C1QTNF7: variants seen among roughly 807,000 people sequenced by gnomAD.
C1QTNF7 encodes complement C1q tumor necrosis factor-related protein 7.
A neutral mutation model predicts 19.6 loss-of-function variants in C1QTNF7; 15 were observed. That is an observed-to-expected ratio of 0.76 (90% CI 0.51 to 1.18). C1QTNF7 has a LOEUF of 1.18. Ranked by LOEUF, C1QTNF7 falls within the 50% of genes most tolerant of loss-of-function variation. The pLI is 0.00. For missense variants in C1QTNF7, 324 were observed against 359.7 expected (o/e 0.90, Z 0.80); for synonymous variants, 142 against 137.5 (o/e 1.03, Z -0.23).
At position 15,359,250 on chromosome 4, in the gene C1QTNF7, A is replaced by G. The variant is rs954346209; in HGVS notation, c.13+19043A>G. ...CCCAAGGGAGTTACATGAAATAGCA[A>G]ATAGAAAACACTATGACAAGTCATG... On this transcript the variant is annotated intron_variant, in intron 1 of 2. Transcript: ENST00000295297. Among the ~76,000 whole-genome samples the G allele has an allele frequency of 1.1e-4, 16 of 152,160 alleles. 1 individual carries two copies. Among genetic ancestry groups the G allele is most frequent in the Admixed American group, 9.2e-4 (14 of 15,262 alleles).
At chr4:15,378,909 A>G (rs947941483) in intron 1 of C1QTNF7, among the ~76,000 whole-genome samples, 2 of 152,240 alleles carry the variant, frequency 1.3e-5, no homozygotes, top group African/African-American at 4.8e-5. Flanking sequence ...AACTTGCACC[A>G]GAGAAGTAAA....
At chr4:15,405,508 G>A (rs1719157705) in intron 1 of C1QTNF7, among the ~76,000 whole-genome samples, 2 of 152,190 alleles carry the variant, frequency 1.3e-5, no homozygotes, top group East Asian at 1.9e-4. Flanking sequence ...GGTAGCAGAG[G>A]CAGAGGTGGA....
At chr4:15,442,103 A>G (rs888254054) in intron 2 of C1QTNF7, 65 bp from the exon 3 acceptor site, 3 of 1,498,956 alleles carry the variant, frequency 2.0e-6, no homozygotes, top group Admixed American at 4.4e-5. Flanking sequence ...GGGACCATGT[A>G]GGTATATTGT....
chr4:15,443,077 A>G lies in C1QTNF7; in HGVS notation c.*278A>G. The G allele has an allele frequency of 4.1e-6, 1 of 245,382 alleles. No individual in the cohort carries two copies. Among genetic ancestry groups the G allele is most frequent in the Non-Finnish European group, 7.8e-6 (1 of 128,438 alleles). The allele number at this position is 245,382 out of a possible 1,614,324, so 15.2% of individuals were successfully genotyped here. On this transcript the variant is annotated 3_prime_UTR_variant, in exon 3 of 3. Coordinates refer to ENST00000444304, the MANE Select transcript of C1QTNF7 (RefSeq NM_031911.5). ...ACAATGTTAACAAATTTTCTATTAA[A>G]TGCCCTGAGTGATAAAACCAGTTGG...
At chr4:15,372,759 C>T (rs545067492) in intron 1 of C1QTNF7, among the ~76,000 whole-genome samples, 1 of 152,264 alleles carries the variant, frequency 6.6e-6, no homozygotes, top group East Asian at 1.9e-4. Context: ...GGATGCCTTT[C>T]TGTGTGACTG....
intron 2 of C1QTNF7, among the ~76,000 whole-genome samples, chr4:15,438,330 G>A (rs1415518761): frequency 6.6e-6 from 1 of 152,144 alleles, no homozygotes; most frequent in African/African-American, 2.4e-5. Flanking sequence ...ATAAACTAGA[G>A]GAACAGCCTG....
At chr4:15,380,291 C>G (rs1718088893) in intron 1 of C1QTNF7, among the ~76,000 whole-genome samples, 1 of 152,174 alleles carries the variant, frequency 6.6e-6, no homozygotes. Flanking sequence ...GTTTATTTTT[C>G]TCACACAACA....
intron 1 of C1QTNF7, among the ~76,000 whole-genome samples, chr4:15,378,875 CA>C (rs1423450577): frequency 6.6e-6 from 1 of 152,166 alleles, no homozygotes; most frequent in Non-Finnish European, 1.5e-5. Context: ...GTGGCCTACT[CA>C]AAATGAAGAT....
chr4:15,413,028 C>A (rs534498625), intron 1 of C1QTNF7, among the ~76,000 whole-genome samples: 2 of 152,358 alleles, frequency 1.3e-5, no homozygotes, highest in Non-Finnish European at 2.9e-5. Context: ...TTATAGAATT[C>A]TCTTGGGAGT....
chr4:15,371,109 G>A (rs899434490), intron 1 of C1QTNF7, among the ~76,000 whole-genome samples: 1 of 152,232 alleles, frequency 6.6e-6, no homozygotes, highest in Non-Finnish European at 1.5e-5. Context: ...GTTGGGGTAT[G>A]AACAGGCAGC....
intron 1 of C1QTNF7, among the ~76,000 whole-genome samples, chr4:15,371,640 G>T (rs1018357736): frequency 3.9e-5 from 6 of 152,178 alleles, no homozygotes; most frequent in African/African-American, 1.4e-4. Context: ...TTATAAAGGG[G>T]AAGTGTAGGA....
intron 1 of C1QTNF7, among the ~76,000 whole-genome samples, chr4:15,349,081 T>C (rs1448316585): frequency 1.3e-5 from 2 of 152,196 alleles, no homozygotes; most frequent in Non-Finnish European, 2.9e-5. Flanking sequence ...CATAAAAGAA[T>C]ATGTAATCTC....
At position 15,443,020 on chromosome 4, in the gene C1QTNF7, G is replaced by A; in HGVS notation, c.*221G>A. 1 of 392,600 alleles carries A rather than the reference G, an allele frequency of 2.5e-6. No homozygotes were observed. The highest frequency in any genetic ancestry group is 4.4e-6 in the Non-Finnish European group (1 of 225,938). The allele number at this position is 392,600 out of a possible 1,614,324, so 24.3% of individuals were successfully genotyped here. On this transcript the variant is annotated 3_prime_UTR_variant, in exon 3 of 3. Transcript: ENST00000444304. ...GCCCCAGATATAAATTCTCTTGAAA[G>A]CAATGTTCATAAATATTTAAGCAAA...
intron 1 of C1QTNF7, among the ~76,000 whole-genome samples, chr4:15,350,166 GGAGC>G (rs1716866218): frequency 2.6e-5 from 3 of 113,564 alleles, no homozygotes; most frequent in Non-Finnish European, 3.7e-5. Flanking sequence ...AGGGAGGGAG[GGAGC>G]GAAGGAGGGA....
intron 1 of C1QTNF7, among the ~76,000 whole-genome samples, chr4:15,385,773 C>A (rs1718311738): frequency 6.6e-6 from 1 of 152,186 alleles, no homozygotes; most frequent in Non-Finnish European, 1.5e-5. Context: ...TTCTCAGTAC[C>A]CTGGCTGGGC....
intron 1 of C1QTNF7, among the ~76,000 whole-genome samples, chr4:15,400,833 C>T (rs1718961462): frequency 6.6e-6 from 1 of 152,194 alleles, no homozygotes; most frequent in South Asian, 2.1e-4. Flanking sequence ...CACTATGGAG[C>T]AATCAGGGTC....
rs780342602 is a variant in C1QTNF7, at chr4:15,374,866, TCTC to T, written c.13+34660_13+34662del. ...TCATGTTGGTGTTTCTCTCTCTCTC[TCTC>T]TCTTTTTTTTTATGATGTTCAGGGG... On this transcript the variant is annotated intron_variant, in intron 1 of 2. Transcript: ENST00000295297. 310 of 587,776 alleles carry T rather than the reference TCTC, an allele frequency of 5.3e-4. 1 individual carries two copies. The highest frequency in any genetic ancestry group is 8.3e-4 in the African/African-American group (24 of 28,954). The allele number at this position is 587,776 out of a possible 1,614,324, so 36.4% of individuals were successfully genotyped here.
At chr4:15,399,562 T>C (rs970634445) in intron 1 of C1QTNF7, among the ~76,000 whole-genome samples, 11 of 152,220 alleles carry the variant, frequency 7.2e-5, no homozygotes, top group African/African-American at 2.7e-4. Context: ...TGTTTTTGCA[T>C]GGAATAAATG....
intron 1 of C1QTNF7, among the ~76,000 whole-genome samples, chr4:15,370,485 T>C (rs563373246): frequency 2.0e-5 from 3 of 152,286 alleles, no homozygotes; most frequent in Middle Eastern, 3.4e-3. Context: ...TGCCTACAAG[T>C]GATTCTGGGA....
Sources: allele counts gnomAD v4.1 joint callset (sites outside exome capture counted in the v4.1 genomes callset), GRCh38; gene constraint gnomAD v4.1.1; transcripts MANE v1.5; gene names NCBI Gene and HGNC (gene_info 2026-07-23, HGNC 2026-07-21).